The following PAFAH1B1 variants were observed in gnomAD, a reference collection of about 807,000 sequenced individuals.
The protein encoded by PAFAH1B1 is platelet activating factor acetylhydrolase 1b regulatory subunit 1, also known as platelet-activating factor acetylhydrolase IB subunit beta.
In PAFAH1B1, 2 loss-of-function variants were observed where a neutral mutation model predicts 57.5. That is an observed-to-expected ratio of 0.03 (90% CI 0.01 to 0.11). The LOEUF (loss-of-function observed/expected upper bound fraction) is 0.11, where lower values mean the gene tolerates loss of function less well. Ranked by LOEUF, PAFAH1B1 falls within the 10% of genes least tolerant of loss-of-function variation. The pLI is 1.00. For synonymous variants in PAFAH1B1, 152 were observed against 169.6 expected (o/e 0.90, Z 0.81); for missense variants, 257 against 512.0 (o/e 0.50, Z 4.81).
chr17:2,679,049 C>T (rs1345471988), intron 9 of PAFAH1B1, among the ~76,000 whole-genome samples: 1 of 152,016 alleles, frequency 6.6e-6, no homozygotes, highest in Non-Finnish European at 1.5e-5. Flanking sequence ...AGTAGGCGTA[C>T]ATGGACAGTA....
At chr17:2,667,604 T>A (rs1169244021) in intron 5 of PAFAH1B1, 1 of 242,882 alleles carries the variant, frequency 4.1e-6, no homozygotes, top group African/African-American at 2.3e-5. Context: ...GAATGAAAAG[T>A]GTGTGTCTTA....
In PAFAH1B1 at chr17:2,656,447, CT is replaced by C. The variant is rs943789841; in HGVS notation, c.33-8913del. 8.3e-4 allele frequency among the ~76,000 whole-genome samples: 121 copies of C among 145,182 alleles called. 1 individual carries two copies. The highest frequency in any genetic ancestry group is 3.1e-3 in the Admixed American group (45 of 14,422). On this transcript the variant is annotated intron_variant, in intron 2 of 10. Coordinates refer to ENST00000397195, the MANE Select transcript of PAFAH1B1 (RefSeq NM_000430.4). ...CTTGGGTGACAGAGCAAGACCTCATCTTTTTTTTTTTTCAAAGAGTGAGGAA... is the reference window on the plus strand; with the variant it reads ...CTTGGGTGACAGAGCAAGACCTCATCTTTTTTTTTTTCAAAGAGTGAGGAA...
chr17:2,679,870 AC>A (rs2069350538), intron 9 of PAFAH1B1: 1 of 389,566 alleles, frequency 2.6e-6, no homozygotes, highest in Admixed American at 4.2e-5. Flanking sequence ...AATTATTCAC[AC>A]TCAAGAAATT....
At chr17:2,672,015 C>T (rs2069191071) in intron 6 of PAFAH1B1, among the ~76,000 whole-genome samples, 1 of 152,020 alleles carries the variant, frequency 6.6e-6, no homozygotes, top group Admixed American at 6.6e-5. Context: ...CACCTATAAT[C>T]TCAGCACTTT....
intron 2 of PAFAH1B1, among the ~76,000 whole-genome samples, chr17:2,642,578 C>T (rs1483930120): frequency 4.6e-5 from 7 of 152,074 alleles, no homozygotes; most frequent in African/African-American, 1.7e-4. Context: ...ATCTGAAATA[C>T]TTCTGATCCC....
chr17:2,645,295 A>G (rs771149431), intron 2 of PAFAH1B1, among the ~76,000 whole-genome samples: 3 of 151,908 alleles, frequency 2.0e-5, no homozygotes, highest in Non-Finnish European at 4.4e-5. Context: ...GTCTTATAAT[A>G]AGATTTAAAT....
At chr17:2,615,141 A>T (rs1326138178) in intron 1 of PAFAH1B1, among the ~76,000 whole-genome samples, 1 of 152,210 alleles carries the variant, frequency 6.6e-6, no homozygotes, top group African/African-American at 2.4e-5. Context: ...AACTATTTAC[A>T]TAGCTTTTAT....
intron 2 of PAFAH1B1, chr17:2,642,494 C>G (rs1461528100): frequency 1.3e-5 from 2 of 152,136 alleles, no homozygotes; most frequent in Admixed American, 6.6e-5. Flanking sequence ...CGTGTTTAGA[C>G]TTGGTTGAGT....
chr17:2,623,630 G>A (rs561845866), intron 1 of PAFAH1B1, among the ~76,000 whole-genome samples: 4 of 133,186 alleles, frequency 3.0e-5, no homozygotes, highest in East Asian at 2.3e-4. Flanking sequence ...CTACTTCCCC[G>A]TTTTTTTTTT....
rs565637350 is a variant in PAFAH1B1 at position 2,620,113 on chromosome 17, C to T, written c.-190-17986C>T. 1.2e-4 allele frequency among the ~76,000 whole-genome samples: 19 copies of T among 152,226 alleles called. 1 individual carries two copies. The highest frequency in any genetic ancestry group is 1.2e-3 in the Admixed American group (19 of 15,270). On this transcript the variant is annotated intron_variant, in intron 1 of 10. Transcript: ENST00000397195. ...TTTCATAAATGCTACTTGATAAATT[C>T]TACCTGATTTTTAGTATATTCAGAA...
chr17:2,679,366 TTAGA>T lies in PAFAH1B1; in HGVS notation c.1003-796_1003-793del, dbSNP rs2069327682. Among the ~76,000 whole-genome samples the T allele has an allele frequency of 8.1e-3, 61 of 7,526 alleles. 1 individual carries two copies. The highest frequency in any genetic ancestry group is 0.055 in the Non-Finnish European group (52 of 952). The allele number at this position is 7,526 out of a possible 152,430, so 4.9% of individuals were successfully genotyped here. ...GATGGATGATTAAATGGATGGATGA[TTAGA>T]TGGATGAATGATTGGATGGATGGAT... On this transcript the variant is annotated intron_variant, in intron 9 of 10. Transcript: ENST00000397195.
At chr17:2,605,640 A>G (rs772290385) in intron 1 of PAFAH1B1, among the ~76,000 whole-genome samples, 15 of 152,088 alleles carry the variant, frequency 9.9e-5, no homozygotes, top group Admixed American at 9.8e-4. Context: ...TTACGCTTCA[A>G]ATCTGCCTAC....
In PAFAH1B1 at chr17:2,621,605, G is replaced by GTTTTTTTTTTTTTTTTTTTTTTTTTTTT. The variant is rs2068421993; in HGVS notation, c.-190-16493_-190-16492insTTTTTTTTTTTTTTTTTTTTTTTTTTTT. The stretch of plus-strand genomic sequence containing the variant: ...GCTATTCAAGCATGGTAGATAATCT[G>GTTTTTTTTTTTTTTTTTTTTTTTTTTTT]TCTTTTTTTTTTTTTTTTTTTTTTT... On this transcript the variant is annotated intron_variant, in intron 1 of 10. Transcript: ENST00000397195. 6.4e-5 allele frequency among the ~76,000 whole-genome samples: 6 copies of GTTTTTTTTTTTTTTTTTTTTTTTTTTTT among 93,208 alleles called. 2 individuals are homozygous for GTTTTTTTTTTTTTTTTTTTTTTTTTTTT. Among genetic ancestry groups the GTTTTTTTTTTTTTTTTTTTTTTTTTTTT allele is most frequent in the African/African-American group, 9.4e-5 (2 of 21,296 alleles). The allele number at this position is 93,208 out of a possible 152,430, so 61.1% of individuals were successfully genotyped here. A position where few individuals can be genotyped will look rare whatever the true frequency, so the allele number is the denominator to read the frequency against.
In PAFAH1B1 at chr17:2,593,741, A is replaced by C; in HGVS notation, c.-456A>C. 2.9e-6 allele frequency: 1 copy of C among 346,644 alleles called. No individual in the cohort carries two copies. Among genetic ancestry groups the C allele is most frequent in the Non-Finnish European group, 5.2e-6 (1 of 193,660 alleles). The allele number at this position is 346,644 out of a possible 1,614,324, so 21.5% of individuals were successfully genotyped here. ...CGGAGGAGCAGCGACACGGGAGTCT[A>C]GGGAGCGAGAAGGAGAAGGAGGGGA... On this transcript the variant is annotated 5_prime_UTR_variant, in exon 1 of 11. Coordinates refer to ENST00000397195, the MANE Select transcript of PAFAH1B1 (RefSeq NM_000430.4).
chr17:2,655,606 G>A (rs1320060418), intron 2 of PAFAH1B1, among the ~76,000 whole-genome samples: 1 of 152,172 alleles, frequency 6.6e-6, no homozygotes, highest in Non-Finnish European at 1.5e-5. Flanking sequence ...TTGTGCCACA[G>A]CCCTCCAGCC....
chr17:2,659,964 A>G (rs1025506081), intron 2 of PAFAH1B1, among the ~76,000 whole-genome samples: 1 of 152,334 alleles, frequency 6.6e-6, no homozygotes, highest in East Asian at 1.9e-4. Context: ...TCCCAAGACT[A>G]TATAGTTTCA....
rs2151641603 is a variant in PAFAH1B1 at position 2,647,635 on chromosome 17, C to T, written c.32+9315C>T. On this transcript the variant is annotated intron_variant, in intron 2 of 10. Transcript: ENST00000397195. ...GTGGAATCCAGTCGGATATGAAAAA[C>T]ATTGCTCATTGCCAAATGTATTCAT... Among the ~76,000 whole-genome samples the T allele has an allele frequency of 1.3e-5, 2 of 152,282 alleles. 1 individual carries two copies. The highest frequency in any genetic ancestry group is 1.3e-4 in the Admixed American group (2 of 15,288).
At chr17:2,676,761 T>C (rs1240024936) in intron 9 of PAFAH1B1, among the ~76,000 whole-genome samples, 155 bp downstream of exon 9, 2 of 152,254 alleles carry the variant, frequency 1.3e-5, no homozygotes, top group Non-Finnish European at 2.9e-5. Flanking sequence ...GTTGTTGTTA[T>C]AGTGATGTGA....
intron 1 of PAFAH1B1, among the ~76,000 whole-genome samples, chr17:2,625,543 T>G (rs192841953): frequency 7.0e-4 from 106 of 152,340 alleles, no homozygotes; most frequent in African/African-American, 2.4e-3. Context: ...AAATATTGCC[T>G]GATTTATTTG....
Sources: allele counts gnomAD v4.1 joint callset (sites outside exome capture counted in the v4.1 genomes callset), GRCh38; gene constraint gnomAD v4.1.1; transcripts MANE v1.5; gene names NCBI Gene and HGNC (gene_info 2026-07-23, HGNC 2026-07-21).